Variants in MAGI2 observed in about 807,000 individuals in gnomAD.
MAGI2 encodes the protein membrane-associated guanylate kinase, WW and PDZ domain-containing protein 2.
In MAGI2, 35 loss-of-function variants were observed where a neutral mutation model predicts 133.3. The observed-to-expected ratio is 0.26, with a 90% CI of 0.20 to 0.35. MAGI2 has a LOEUF of 0.35. Ranked by LOEUF, MAGI2 falls within the 10% of genes least tolerant of loss-of-function variation. The pLI, the probability that MAGI2 is intolerant of heterozygous loss-of-function variation, is 1.00. For missense variants in MAGI2, 1,636 were observed against 1,863.4 expected (o/e 0.88, Z 2.25); for synonymous variants, 729 against 710.6 (o/e 1.03, Z -0.41).
chr7:78,077,733 T>TTTTTG (rs1815500918), intron 21 of MAGI2, among the ~76,000 whole-genome samples: 2 of 146,446 alleles, frequency 1.4e-5, no homozygotes, highest in South Asian at 4.5e-4. Flanking sequence ...ATGTTTTTTT[T>TTTTTG]TTTTTTTTTT....
At chr7:79,412,425 G>A (rs1388899913) in intron 1 of MAGI2, 2 of 152,120 alleles carry the variant, frequency 1.3e-5, no homozygotes, top group South Asian at 4.1e-4. Flanking sequence ...CTGTCCTGAT[G>A]CTGCAGAAAT....
rs543522904 is a variant in MAGI2 at position 78,493,089 on chromosome 7, T to C, written c.966-3249A>G. Among the ~76,000 whole-genome samples the C allele has an allele frequency of 5.7e-4, 87 of 152,284 alleles. 1 individual carries two copies. Among genetic ancestry groups the C allele is most frequent in the African/African-American group, 2.0e-3 (83 of 41,572 alleles). ...TATGGGCATATCCCAAACTCTTCTCTGATGTTAAACTAAACACTGGGTCTG... is the reference window on the plus strand; with the variant it reads ...TATGGGCATATCCCAAACTCTTCTCCGATGTTAAACTAAACACTGGGTCTG... On this transcript the variant is annotated intron_variant, in intron 5 of 21. Coordinates refer to ENST00000354212, the MANE Select transcript of MAGI2 (RefSeq NM_012301.4).
chr7:78,808,548 G>A (rs554729619), intron 2 of MAGI2, among the ~76,000 whole-genome samples: 6 of 152,306 alleles, frequency 3.9e-5, no homozygotes, highest in Admixed American at 2.0e-4. Context: ...GAGCCACTGC[G>A]CCCAGCCTCA....
At chr7:78,705,919 A>G (rs986948010) in intron 2 of MAGI2, among the ~76,000 whole-genome samples, 4 of 152,098 alleles carry the variant, frequency 2.6e-5, no homozygotes, top group South Asian at 2.1e-4. Flanking sequence ...TGACAAATAC[A>G]CTGCCAATCA....
rs555000104 is a variant in MAGI2, at chr7:78,072,834, AT to A, written c.3706+6112del. 1,680 of 397,828 alleles carry A rather than the reference AT, an allele frequency of 4.2e-3. 17 individuals carry two copies. Among genetic ancestry groups the A allele is most frequent in the African/African-American group, 0.031 (1,531 of 48,678 alleles). 24.6% of individuals were successfully genotyped at this position (397,828 alleles called of 1,614,324 possible). A position where few individuals can be genotyped will look rare whatever the true frequency, so the allele number is the denominator to read the frequency against. On this transcript the variant is annotated intron_variant, in intron 21 of 21. Coordinates refer to ENST00000354212, the MANE Select transcript of MAGI2 (RefSeq NM_012301.4). Reference sequence around the variant, plus strand: ...AGGAGTATGCCACCACGCTTGGCTAATTTTTTTGTAGAGACAAGGTCTCCCT... The same window carrying A: ...AGGAGTATGCCACCACGCTTGGCTAATTTTTTGTAGAGACAAGGTCTCCCT...
At chr7:78,275,177 A>G (rs1380081039) in intron 9 of MAGI2, among the ~76,000 whole-genome samples, 1 of 152,160 alleles carries the variant, frequency 6.6e-6, no homozygotes, top group Non-Finnish European at 1.5e-5. Flanking sequence ...ACAGTCTCTC[A>G]TGGCTTCCCT....
chr7:78,830,605 T>A (rs968640549), intron 2 of MAGI2, among the ~76,000 whole-genome samples: 2 of 152,156 alleles, frequency 1.3e-5, no homozygotes, highest in African/African-American at 4.8e-5. Flanking sequence ...TTCCTGTGAT[T>A]TTCAGTTATC....
intron 6 of MAGI2, among the ~76,000 whole-genome samples, chr7:78,463,384 T>C (rs1790273188): frequency 6.6e-6 from 1 of 152,182 alleles, no homozygotes; most frequent in Non-Finnish European, 1.5e-5. Context: ...GTTTTGGAAG[T>C]TCCTGGGATA....
At chr7:78,846,053 T>G (rs1792577533) in intron 2 of MAGI2, among the ~76,000 whole-genome samples, 1 of 152,036 alleles carries the variant, frequency 6.6e-6, no homozygotes, top group Non-Finnish European at 1.5e-5. Flanking sequence ...ATTCAGTACT[T>G]TTTAGGTTTT....
At chr7:78,279,347 C>T (rs753808057) in intron 9 of MAGI2, among the ~76,000 whole-genome samples, 4 of 152,124 alleles carry the variant, frequency 2.6e-5, no homozygotes, top group Non-Finnish European at 5.9e-5. Context: ...TAAACTGGCA[C>T]GTCTAAGTCT....
At chr7:78,419,626 G>C (rs1235526149) in intron 6 of MAGI2, among the ~76,000 whole-genome samples, 1 of 149,604 alleles carries the variant, frequency 6.7e-6, no homozygotes, top group Non-Finnish European at 1.5e-5. Flanking sequence ...TTTTTTAAGG[G>C]AAAGGGCCCA....
intron 1 of MAGI2, among the ~76,000 whole-genome samples, chr7:79,124,013 G>C (rs1222033061): frequency 1.3e-5 from 2 of 151,784 alleles, no homozygotes; most frequent in Non-Finnish European, 2.9e-5. Context: ...CTTGAAAATG[G>C]AGAAGCAGTA....
chr7:78,361,057 C>T (rs1792730644), intron 7 of MAGI2, among the ~76,000 whole-genome samples: 1 of 151,870 alleles, frequency 6.6e-6, no homozygotes, highest in Admixed American at 6.6e-5. Flanking sequence ...CTATGCTTAG[C>T]CTCTCCAGAA....
chr7:79,324,324 T>G (rs1035140631), intron 1 of MAGI2, among the ~76,000 whole-genome samples: 8 of 150,626 alleles, frequency 5.3e-5, no homozygotes, highest in Non-Finnish European at 1.2e-4. Context: ...AACTTAGGTC[T>G]TACATTAAAT....
chr7:78,990,900 G>A (rs1805695485), intron 2 of MAGI2, among the ~76,000 whole-genome samples: 1 of 76,946 alleles, frequency 1.3e-5, no homozygotes. Context: ...GATTTTATAT[G>A]TACATACACA....
chr7:78,972,857 G>A (rs1030060081), intron 2 of MAGI2, among the ~76,000 whole-genome samples: 2 of 151,652 alleles, frequency 1.3e-5, no homozygotes, highest in African/African-American at 4.8e-5. Context: ...AGGGGCATAT[G>A]CTTATTTTGG....
intron 1 of MAGI2, among the ~76,000 whole-genome samples, chr7:79,395,264 C>A (rs1476058115): frequency 6.6e-6 from 1 of 152,032 alleles, no homozygotes; most frequent in African/African-American, 2.4e-5. Context: ...TAAACAGAAA[C>A]CATGTAATTA....
intron 9 of MAGI2, among the ~76,000 whole-genome samples, chr7:78,281,584 C>T (rs1795586518): frequency 6.6e-6 from 1 of 152,104 alleles, no homozygotes; most frequent in African/African-American, 2.4e-5. Flanking sequence ...AGAAATTACC[C>T]AGTCTCAGGC....
intron 9 of MAGI2, among the ~76,000 whole-genome samples, chr7:78,296,371 T>C (rs1797241981): frequency 6.6e-6 from 1 of 152,202 alleles, no homozygotes; most frequent in African/African-American, 2.4e-5. Context: ...TTCTGTTCCC[T>C]CTGCCTAGTA....
Sources: allele counts gnomAD v4.1 joint callset (sites outside exome capture counted in the v4.1 genomes callset), GRCh38; gene constraint gnomAD v4.1.1; transcripts MANE v1.5; gene names NCBI Gene and HGNC (gene_info 2026-07-23, HGNC 2026-07-21).